STXBP6: variants seen among roughly 807,000 people sequenced by gnomAD.
STXBP6 encodes the protein syntaxin-binding protein 6.
STXBP6 carries 21 observed loss-of-function variants against 26.9 expected under a neutral mutation model. The ratio of observed to expected loss-of-function variants is 0.78; its 90% CI spans 0.55 to 1.12. STXBP6 has a LOEUF of 1.12. Ranked by LOEUF, STXBP6 falls within the 50% of genes most tolerant of loss-of-function variation. The pLI is 0.00. For synonymous variants in STXBP6, 97 were observed against 92.6 expected, an observed-to-expected ratio of 1.05 and a Z score of -0.27; for missense variants, 232 against 257.9, an observed-to-expected ratio of 0.90 and a Z score of 0.69.
At chr14:24,999,583 A>G (rs1243737806) in intron 1 of STXBP6, among the ~76,000 whole-genome samples, 1 of 152,190 alleles carries the variant, frequency 6.6e-6, no homozygotes, top group African/African-American at 2.4e-5. Context: ...TATGAATACA[A>G]TGTTACGGGA....
chr14:24,854,767 T>C (rs1271489757), intron 4 of STXBP6, among the ~76,000 whole-genome samples: 3 of 152,116 alleles, frequency 2.0e-5, no homozygotes, highest in Admixed American at 6.6e-5. Context: ...TATATCTTAT[T>C]ATATTTTCCA....
intron 2 of STXBP6, among the ~76,000 whole-genome samples, chr14:24,862,373 T>C (rs2069572948): frequency 6.6e-6 from 1 of 152,088 alleles, no homozygotes; most frequent in African/African-American, 2.4e-5. Flanking sequence ...ACAAAAACGG[T>C]GGTACTTCAG....
intron 4 of STXBP6, among the ~76,000 whole-genome samples, chr14:24,822,027 T>C (rs1392264370): frequency 2.0e-5 from 3 of 152,166 alleles, no homozygotes; most frequent in Non-Finnish European, 4.4e-5. Flanking sequence ...CTGACTTCCA[T>C]AACCAAATCC....
chr14:24,956,114 G>A (rs1347666819), intron 2 of STXBP6, among the ~76,000 whole-genome samples: 1 of 152,066 alleles, frequency 6.6e-6, no homozygotes, highest in Non-Finnish European at 1.5e-5. Flanking sequence ...GAGACAGTTG[G>A]GTAATTGAAC....
intron 4 of STXBP6, among the ~76,000 whole-genome samples, chr14:24,840,988 C>A (rs1808644768): frequency 6.6e-6 from 1 of 151,996 alleles, no homozygotes; most frequent in South Asian, 2.1e-4. Flanking sequence ...GAAAACATTC[C>A]AAGTAATTTT....
intron 4 of STXBP6, among the ~76,000 whole-genome samples, chr14:24,829,706 T>G (rs1214887939): frequency 6.6e-6 from 1 of 151,676 alleles, no homozygotes; most frequent in Non-Finnish European, 1.5e-5. Context: ...TTTGGTTACC[T>G]ATTATTTGCA....
chr14:24,865,902 A>G (rs1401464833), intron 2 of STXBP6, among the ~76,000 whole-genome samples: 3 of 152,214 alleles, frequency 2.0e-5, no homozygotes, highest in African/African-American at 7.2e-5. Context: ...GAAGTAGTGT[A>G]TTACTCGAAG....
At chr14:25,037,021 T>C (rs1469430905) in intron 1 of STXBP6, among the ~76,000 whole-genome samples, 1 of 152,214 alleles carries the variant, frequency 6.6e-6, no homozygotes, top group Non-Finnish European at 1.5e-5. Context: ...ATTTTCTGGG[T>C]AACTATTTGC....
At chr14:24,824,821 C>G (rs2068235938) in intron 4 of STXBP6, among the ~76,000 whole-genome samples, 1 of 152,214 alleles carries the variant, frequency 6.6e-6, no homozygotes, top group Non-Finnish European at 1.5e-5. Flanking sequence ...GTGGCAGGTA[C>G]TATGGTAAGA....
chr14:25,006,108 G>A (rs1255696340), intron 1 of STXBP6, among the ~76,000 whole-genome samples: 2 of 152,150 alleles, frequency 1.3e-5, no homozygotes, highest in Non-Finnish European at 2.9e-5. Context: ...AAACACCTCC[G>A]AACTTTGTTC....
At chr14:25,045,669 T>A (rs2075716115) in intron 1 of STXBP6, among the ~76,000 whole-genome samples, 1 of 151,100 alleles carries the variant, frequency 6.6e-6, no homozygotes, top group Admixed American at 6.6e-5. Flanking sequence ...AATGGCACGA[T>A]CTCGGCTCAC....
chr14:24,901,336 C>T (rs2071205082), intron 2 of STXBP6, among the ~76,000 whole-genome samples: 2 of 148,956 alleles, frequency 1.3e-5, no homozygotes, highest in East Asian at 3.9e-4. Context: ...AACATACCCA[C>T]TAGCATGGCT....
chr14:24,881,703 A>G (rs1251245096), intron 2 of STXBP6, among the ~76,000 whole-genome samples: 2 of 152,212 alleles, frequency 1.3e-5, no homozygotes, highest in Non-Finnish European at 2.9e-5. Context: ...ATTTTTAAGA[A>G]GCTGGTGACC....
chr14:24,943,896 G>C (rs1471153767), intron 2 of STXBP6, among the ~76,000 whole-genome samples: 1 of 152,196 alleles, frequency 6.6e-6, no homozygotes, highest in Non-Finnish European at 1.5e-5. Context: ...TTGGTGATTT[G>C]AAATAGTTAC....
chr14:24,854,246 G>A (rs906560699), intron 4 of STXBP6, among the ~76,000 whole-genome samples: 26 of 152,008 alleles, frequency 1.7e-4, no homozygotes, highest in Non-Finnish European at 3.2e-4. Flanking sequence ...GAGGTAGCTC[G>A]TTTCCCTTGG....
At chr14:24,981,436 A>G (rs1322184985) in intron 1 of STXBP6, among the ~76,000 whole-genome samples, 1 of 152,044 alleles carries the variant, frequency 6.6e-6, no homozygotes, top group Non-Finnish European at 1.5e-5. Flanking sequence ...ATGCCCGGCT[A>G]ATTTTTGTAT....
chr14:24,940,955 C>T (rs537984458), intron 2 of STXBP6, among the ~76,000 whole-genome samples: 12 of 152,252 alleles, frequency 7.9e-5, no homozygotes, highest in African/African-American at 2.9e-4. Flanking sequence ...GCAGAGCTTG[C>T]AGTGAGCCAA....
intron 1 of STXBP6, among the ~76,000 whole-genome samples, chr14:25,030,159 G>A (rs1189466831): frequency 6.6e-6 from 1 of 152,194 alleles, no homozygotes. Flanking sequence ...GATAGCATTG[G>A]GATTGCAATT....
chr14:24,986,020 ATAG>A (rs1280658597), intron 1 of STXBP6, among the ~76,000 whole-genome samples: 20 of 152,334 alleles, frequency 1.3e-4, no homozygotes, highest in Middle Eastern at 3.4e-3. Context: ...GATAATGTAA[ATAG>A]TAGAGCAGTG....
Sources: allele counts gnomAD v4.1 joint callset (sites outside exome capture counted in the v4.1 genomes callset), GRCh38; gene constraint gnomAD v4.1.1; transcripts MANE v1.5; gene names NCBI Gene and HGNC (gene_info 2026-07-23, HGNC 2026-07-21).